The following TAFA4 variants were observed in gnomAD, a reference collection of about 807,000 sequenced individuals.
The protein encoded by TAFA4 is TAFA chemokine like family member 4.
Under a neutral mutation model 21.1 loss-of-function variants are expected in TAFA4, and 20 were observed. The observed-to-expected ratio is 0.95, with a 90% confidence interval of 0.67 to 1.38. The LOEUF is 1.38. TAFA4 is among the 40% of genes most tolerant of loss of function. The probability of loss-of-function intolerance (pLI) is 0.00; values close to 1 mark genes in which losing one functional copy is unlikely to be tolerated. For synonymous variants in TAFA4, 71 were observed against 67.4 expected, an observed-to-expected ratio of 1.05 and a Z score of -0.26; for missense variants, 211 against 180.9, an observed-to-expected ratio of 1.17 and a Z score of -0.95.
intron 3 of TAFA4, among the ~76,000 whole-genome samples, chr3:68,820,183 G>T (rs2130438): frequency 4.6e-5 from 7 of 151,948 alleles, no homozygotes; most frequent in Non-Finnish European, 7.4e-5. Flanking sequence ...TAAGTCAGGC[G>T]CAAAAAGACA....
At chr3:68,892,241 C>T (rs1368787448) in intron 1 of TAFA4, among the ~76,000 whole-genome samples, 1 of 152,116 alleles carries the variant, frequency 6.6e-6, no homozygotes, top group Non-Finnish European at 1.5e-5. Context: ...TTTATTGCTT[C>T]CTTAAAAACA....
At chr3:68,811,160 A>G (rs916938746) in intron 3 of TAFA4, among the ~76,000 whole-genome samples, 2 of 152,134 alleles carry the variant, frequency 1.3e-5, no homozygotes, top group Non-Finnish European at 2.9e-5. Flanking sequence ...TCCACACCAA[A>G]ACCCCATCTG....
At chr3:68,919,461 T>A (rs2090037025) in intron 1 of TAFA4, among the ~76,000 whole-genome samples, 2 of 152,152 alleles carry the variant, frequency 1.3e-5, no homozygotes, top group Non-Finnish European at 2.9e-5. Context: ...TCTCTAAAAC[T>A]TTTTGGGACT....
intron 3 of TAFA4, among the ~76,000 whole-genome samples, chr3:68,816,212 G>A (rs1703971000): frequency 6.6e-6 from 1 of 152,164 alleles, no homozygotes; most frequent in African/African-American, 2.4e-5. Context: ...TATACCTAAT[G>A]TTAAGTGACG....
At chr3:68,766,109 C>T (rs180808584) in intron 3 of TAFA4, among the ~76,000 whole-genome samples, 25 of 152,112 alleles carry the variant, frequency 1.6e-4, no homozygotes, top group Non-Finnish European at 1.5e-4. Context: ...AGCACCTAAA[C>T]ATACCAATAA....
intron 1 of TAFA4, among the ~76,000 whole-genome samples, chr3:68,925,947 C>A (rs2090104313): frequency 6.6e-6 from 1 of 152,158 alleles, no homozygotes; most frequent in African/African-American, 2.4e-5. Flanking sequence ...ATTGTCAGGT[C>A]TAAGCCGGGC....
intron 3 of TAFA4, among the ~76,000 whole-genome samples, chr3:68,815,572 A>C (rs575788972): frequency 2.0e-5 from 3 of 152,266 alleles, no homozygotes; most frequent in Non-Finnish European, 4.4e-5. Context: ...AATGTTCATT[A>C]TCACTGGCCA....
chr3:68,775,465 C>T (rs570893115), intron 3 of TAFA4, among the ~76,000 whole-genome samples: 20 of 152,184 alleles, frequency 1.3e-4, no homozygotes, highest in African/African-American at 4.8e-4. Flanking sequence ...ATTCAGAAAG[C>T]CCCACCCTTG....
At chr3:68,918,673 C>T (rs2090028712) in intron 1 of TAFA4, among the ~76,000 whole-genome samples, 1 of 152,118 alleles carries the variant, frequency 6.6e-6, no homozygotes, top group Non-Finnish European at 1.5e-5. Context: ...AAGTAGCTGG[C>T]ACTACATGCA....
chr3:68,776,116 A>G (rs936427967), intron 3 of TAFA4, among the ~76,000 whole-genome samples: 1 of 152,132 alleles, frequency 6.6e-6, no homozygotes, highest in Non-Finnish European at 1.5e-5. Flanking sequence ...AGGGACATAA[A>G]AAGAGAGGCA....
chr3:68,803,061 C>A (rs1703610258), intron 3 of TAFA4, among the ~76,000 whole-genome samples: 1 of 152,110 alleles, frequency 6.6e-6, no homozygotes. Flanking sequence ...ACCTGAAATG[C>A]CATCCAAAAT....
chr3:68,761,835 A>G (rs1271769299), intron 3 of TAFA4, among the ~76,000 whole-genome samples: 1 of 152,126 alleles, frequency 6.6e-6, no homozygotes, highest in Non-Finnish European at 1.5e-5. Context: ...AGGTAGGAAG[A>G]AGAGGTTGGA....
chr3:68,920,650 T>A (rs911744765), intron 1 of TAFA4, among the ~76,000 whole-genome samples: 2 of 150,824 alleles, frequency 1.3e-5, no homozygotes, highest in South Asian at 2.1e-4. Context: ...TTTTTTTTTT[T>A]TTTTTTTTTT....
At chr3:68,904,162 T>C (rs936430576) in intron 1 of TAFA4, among the ~76,000 whole-genome samples, 1 of 152,092 alleles carries the variant, frequency 6.6e-6, no homozygotes, top group African/African-American at 2.4e-5. Flanking sequence ...AACTTGCTAC[T>C]GTAGAAATGG....
chr3:68,884,451 G>C (rs1264728756), intron 2 of TAFA4, among the ~76,000 whole-genome samples: 1 of 152,184 alleles, frequency 6.6e-6, no homozygotes, highest in Non-Finnish European at 1.5e-5. Flanking sequence ...CCTTCTTCTA[G>C]GCACTGCCTC....
chr3:68,808,661 A>G (rs1056660807), intron 3 of TAFA4, among the ~76,000 whole-genome samples: 1 of 152,190 alleles, frequency 6.6e-6, no homozygotes, highest in African/African-American at 2.4e-5. Flanking sequence ...GTTCAGTTCA[A>G]TTTCCACAAA....
At chr3:68,913,694 C>G (rs1487722420) in intron 1 of TAFA4, 1 of 152,180 alleles carries the variant, frequency 6.6e-6, no homozygotes, top group Admixed American at 6.5e-5. Flanking sequence ...CATGCAAGTC[C>G]TACAGAATGA....
At chr3:68,746,994 C>T (rs899871139) in intron 4 of TAFA4, among the ~76,000 whole-genome samples, 6 of 152,186 alleles carry the variant, frequency 3.9e-5, no homozygotes, top group African/African-American at 9.7e-5. Context: ...TCCCAGCTGT[C>T]TTGAGACAAT....
chr3:68,885,314 T>C lies in TAFA4; in HGVS notation c.-122-4A>G, dbSNP rs1311793010. ...AAATTATCGTAGCTCAGAAGACCTA[T>C]GTTAAAAAGGCCAAAAAAAAAAAAG... On this transcript the variant is annotated splice_polypyrimidine_tract_variant and splice_region_variant and intron_variant, in intron 1 of 5. Transcript: ENST00000295569. 14 of 758,842 alleles carry C rather than the reference T, an allele frequency of 1.8e-5. No homozygotes were observed. Among genetic ancestry groups the C allele is most frequent in the African/African-American group, 1.1e-4 (6 of 55,770 alleles). The allele number at this position is 758,842 out of a possible 1,614,324, so 47.0% of individuals were successfully genotyped here. A position where few individuals can be genotyped will look rare whatever the true frequency, so the allele number is the denominator to read the frequency against.
Sources: allele counts gnomAD v4.1 joint callset (sites outside exome capture counted in the v4.1 genomes callset), GRCh38; gene constraint gnomAD v4.1.1; transcripts MANE v1.5; gene names NCBI Gene and HGNC (gene_info 2026-07-23, HGNC 2026-07-21).